The following RIC8B variants were observed in gnomAD, a reference collection of about 807,000 sequenced individuals.
The protein encoded by RIC8B is RIC8 guanine nucleotide exchange factor B.
Under a neutral mutation model 57.5 loss-of-function variants are expected in RIC8B, and 16 were observed. That is an observed-to-expected ratio of 0.28 (90% confidence interval 0.19 to 0.42). RIC8B has a LOEUF of 0.42. Among genes scored for constraint, RIC8B ranks in the 10% least tolerant of loss-of-function variants. RIC8B has a pLI of 1.00. For missense variants in RIC8B, 481 were observed against 677.0 expected, an observed-to-expected ratio of 0.71 and a Z score of 3.21; for synonymous variants, 216 against 250.8, an observed-to-expected ratio of 0.86 and a Z score of 1.31.
intron 7 of RIC8B, among the ~76,000 whole-genome samples, chr12:106,853,095 T>C (rs1273777200): frequency 1.3e-5 from 2 of 152,174 alleles, no homozygotes; most frequent in Non-Finnish European, 2.9e-5. Flanking sequence ...CTGTATAATT[T>C]TTCTATAATG....
chr12:106,839,764 C>G (rs574558134), intron 4 of RIC8B, among the ~76,000 whole-genome samples: 52 of 152,304 alleles, frequency 3.4e-4, no homozygotes, highest in Admixed American at 6.5e-4. Flanking sequence ...GCCTGTAATT[C>G]CAGCACTTTG....
intron 6 of RIC8B, among the ~76,000 whole-genome samples, chr12:106,849,350 G>A (rs935200005): frequency 1.4e-5 from 2 of 145,154 alleles, no homozygotes; most frequent in African/African-American, 2.6e-5. Flanking sequence ...ACAGGGTCTC[G>A]CTATGTTGCC....
chr12:106,785,811 C>CTGTG (rs1321707580), intron 2 of RIC8B, among the ~76,000 whole-genome samples: 1 of 122,260 alleles, frequency 8.2e-6, no homozygotes, highest in South Asian at 2.8e-4. Flanking sequence ...CTCTCTCTCT[C>CTGTG]TCTGTGTGTG....
chr12:106,855,452 T>G (rs1005938752), intron 7 of RIC8B, among the ~76,000 whole-genome samples: 1 of 152,126 alleles, frequency 6.6e-6, no homozygotes, highest in Non-Finnish European at 1.5e-5. Context: ...CTCAACTTGC[T>G]GCAAGTCAGG....
rs1951204348 is a variant in RIC8B at position 106,886,900 on chromosome 12, A to G, written c.*885A>G. The G allele has an allele frequency of 1.3e-5, 2 of 152,512 alleles. No homozygotes were observed. The highest frequency in any genetic ancestry group is 2.9e-5 in the Non-Finnish European group (2 of 68,012). 9.4% of individuals were successfully genotyped at this position (152,512 alleles called of 1,614,324 possible). ...GGGAGTCAGCAGCACCCATTTGTAC[A>G]TATAGGTCATTCATACATCACATTT... On this transcript the variant is annotated 3_prime_UTR_variant, in exon 10 of 10. Transcript: ENST00000392837.
At chr12:106,845,753 A>G (rs1949159358) in intron 6 of RIC8B, among the ~76,000 whole-genome samples, 1 of 151,758 alleles carries the variant, frequency 6.6e-6, no homozygotes, top group Admixed American at 6.6e-5. Context: ...CTCTGTACTC[A>G]CTCTCTCTAT....
At chr12:106,836,837 T>C (rs1375080394) in intron 4 of RIC8B, among the ~76,000 whole-genome samples, 1 of 152,228 alleles carries the variant, frequency 6.6e-6, no homozygotes, top group African/African-American at 2.4e-5. Flanking sequence ...AAGACCAATC[T>C]GGTCTTCTCT....
chr12:106,871,487 AAAAAAAAAAAACC>A (rs1433860201), intron 9 of RIC8B: 5 of 143,412 alleles, frequency 3.5e-5, no homozygotes, highest in African/African-American at 5.3e-5. Flanking sequence ...AAAAAAAAAA[AAAAAAAAAAAACC>A]AAAAAACTCC....
At position 106,879,552 on chromosome 12, in the gene RIC8B, G is replaced by C. The variant is rs530527870; in HGVS notation, c.1572-6352G>C. 4.1e-6 allele frequency: 4 copies of C among 984,954 alleles called. No individual in the cohort carries two copies. The African/African-American group carries it at 7.0e-5, about 17-fold the overall frequency. The allele number at this position is 984,954 out of a possible 1,614,324, so 61.0% of individuals were successfully genotyped here. A position where few individuals can be genotyped will look rare whatever the true frequency, so the allele number is the denominator to read the frequency against. ...ATATCTGGAAAAAAAAAACAGACCA[G>C]AATATTTTAAATATGGTGTAAATTC... On this transcript the variant is annotated intron_variant, in intron 9 of 9. Transcript: ENST00000392837. This position sits in a 1 kb window ranked among gnomAD's most constrained non-coding sequence, Gnocchi z 4.9.
intron 9 of RIC8B, among the ~76,000 whole-genome samples, chr12:106,885,507 G>A (rs1169549479): frequency 6.6e-6 from 1 of 151,104 alleles, no homozygotes; most frequent in African/African-American, 2.4e-5. Context: ...CCATTTAATT[G>A]TATGCTCCAA....
rs1950832453 is a variant in RIC8B at position 106,879,594 on chromosome 12, A to G, written c.1572-6310A>G. The G allele has an allele frequency of 1.0e-6, 1 of 985,016 alleles. No homozygotes were observed. The highest frequency in any genetic ancestry group is 1.2e-6 in the Non-Finnish European group (1 of 829,850). The allele number at this position is 985,016 out of a possible 1,614,324, so 61.0% of individuals were successfully genotyped here. A position where few individuals can be genotyped will look rare whatever the true frequency, so the allele number is the denominator to read the frequency against. On this transcript the variant is annotated intron_variant, in intron 9 of 9. Coordinates refer to ENST00000392837, the MANE Select transcript of RIC8B (RefSeq NM_001330145.2). The surrounding 1 kb of genome is among the most constrained non-coding windows in gnomAD (Gnocchi z 4.9). ...TGTAAATTCCGTATCTCCCATCCCT[A>G]GCTCTTTAAGAAATTATTTTTTTGG...
At chr12:106,809,742 A>T (rs752869509) in intron 2 of RIC8B, among the ~76,000 whole-genome samples, 1 of 152,104 alleles carries the variant, frequency 6.6e-6, no homozygotes, top group Non-Finnish European at 1.5e-5. Context: ...GGTACATGTG[A>T]TACTTTGACA....
intron 2 of RIC8B, among the ~76,000 whole-genome samples, chr12:106,803,309 T>G (rs2044839084): frequency 6.6e-6 from 1 of 151,812 alleles, no homozygotes; most frequent in Admixed American, 6.6e-5. Context: ...TTCCCAAGCT[T>G]ATTTGCCTAC....
At chr12:106,853,756 C>CGCACCT (rs1949593827) in intron 7 of RIC8B, among the ~76,000 whole-genome samples, 1 of 151,876 alleles carries the variant, frequency 6.6e-6, no homozygotes, top group African/African-American at 2.4e-5. Context: ...CATGAGCCAC[C>CGCACCT]GCACCTGACC....
chr12:106,839,180 G>A (rs1262661730), intron 4 of RIC8B, among the ~76,000 whole-genome samples: 1 of 152,092 alleles, frequency 6.6e-6, no homozygotes, highest in Non-Finnish European at 1.5e-5. Context: ...ATATCCAAAG[G>A]AAATAAAATC....
chr12:106,774,943 C>G lies in RIC8B; in HGVS notation c.84+114C>G, dbSNP rs1429035731. On this transcript the variant is annotated intron_variant, in intron 1 of 9. Transcript: ENST00000392837. Reference sequence around the variant, plus strand: ...TCCGGGGATGCGCATTGCTCTCCCCCGAAAACGTTTCCGGCTTGGGCATGC... The same window carrying G: ...TCCGGGGATGCGCATTGCTCTCCCCGGAAAACGTTTCCGGCTTGGGCATGC... The G allele has an allele frequency of 1.3e-5, 10 of 799,040 alleles. No homozygotes were observed. In the East Asian group the frequency reaches 1.6e-4, roughly 13 times the overall value. The allele number at this position is 799,040 out of a possible 1,614,324, so 49.5% of individuals were successfully genotyped here.
In RIC8B at chr12:106,854,667, T is replaced by A. The variant is rs1949640219; in HGVS notation, c.1306+3073T>A. Among the ~76,000 whole-genome samples, 6 of 152,248 alleles carry A rather than the reference T, an allele frequency of 3.9e-5. No individual in the cohort carries two copies. In the South Asian group the frequency reaches 1.2e-3, roughly 32 times the overall value. ...TTAGCTGGACGTGGTGGTGCATGCC[T>A]GTAATCCCAGCTGCTCAGGAGGCTG... On this transcript the variant is annotated intron_variant, in intron 7 of 9. Transcript: ENST00000392837.
chr12:106,869,532 T>C (rs1950302084), intron 8 of RIC8B, among the ~76,000 whole-genome samples: 1 of 152,088 alleles, frequency 6.6e-6, no homozygotes, highest in South Asian at 2.1e-4. Context: ...TTTGACCCTC[T>C]CACTCACTTG....
rs527896815 is a variant in RIC8B at position 106,804,191 on chromosome 12, T to G, written c.133-10505T>G. Among the ~76,000 whole-genome samples, 10 of 151,630 alleles carry G rather than the reference T, an allele frequency of 6.6e-5. No homozygotes were observed. The East Asian group carries it at 1.7e-3, about 26-fold the overall frequency. On this transcript the variant is annotated intron_variant, in intron 2 of 9. Transcript: ENST00000392837. ...TAATTCCCTCAACAACCCTATGAAG[T>G]AGGTACTTTTTTTTCCTTCCTTTCT... is the stretch of plus-strand genomic sequence containing the variant.
Sources: allele counts gnomAD v4.1 joint callset (sites outside exome capture counted in the v4.1 genomes callset), GRCh38; gene constraint gnomAD v4.1.1; non-coding constraint Gnocchi (gnomAD v3.1); transcripts MANE v1.5; gene names NCBI Gene and HGNC (gene_info 2026-07-23, HGNC 2026-07-21).